KLHL12: variants seen among roughly 807,000 people sequenced by gnomAD.
KLHL12 encodes kelch like family member 12.
A neutral mutation model predicts 60.8 loss-of-function variants in KLHL12; 17 were observed. The observed-to-expected ratio is 0.28, with a 90% CI of 0.19 to 0.42. The LOEUF (loss-of-function observed/expected upper bound fraction) is 0.42. KLHL12 is among the 10% of genes least tolerant of loss of function. The pLI is 1.00. For synonymous variants in KLHL12, 220 were observed against 250.9 expected, an observed-to-expected ratio of 0.88 and a Z score of 1.16; for missense variants, 468 against 722.3, an observed-to-expected ratio of 0.65 and a Z score of 4.04.
At chr1:202,916,459 C>A (rs998038743) in intron 4 of KLHL12, among the ~76,000 whole-genome samples, 5 of 152,168 alleles carry the variant, frequency 3.3e-5, no homozygotes, top group African/African-American at 1.2e-4. Flanking sequence ...AGCCTGGCCA[C>A]AATAGTGAAA....
At chr1:202,913,678 T>C (rs1660432884) in intron 4 of KLHL12, among the ~76,000 whole-genome samples, 2 of 152,138 alleles carry the variant, frequency 1.3e-5, no homozygotes, top group South Asian at 4.1e-4. Flanking sequence ...TTTAGACTGG[T>C]GAGGCAAGGA....
chr1:202,909,158 G>A lies in KLHL12; in HGVS notation c.718-34C>T. On this transcript the variant is annotated intron_variant, in intron 5 of 11. Transcript: ENST00000367261. The surrounding 1 kb of genome is among the most constrained non-coding windows in gnomAD (Gnocchi z 4.1). The stretch of plus-strand genomic sequence containing the variant: ...TAGCAGACAGCAGAGTTAGGCACTG[G>A]GGATACCTGTAATACTATAAGAGTA... 7 of 1,322,238 alleles carry A rather than the reference G, an allele frequency of 5.3e-6. No homozygotes were observed. The highest frequency in any genetic ancestry group is 7.7e-6 in the Non-Finnish European group (7 of 914,816). 81.9% of individuals were successfully genotyped at this position (1,322,238 alleles called of 1,614,324 possible). A position where few individuals can be genotyped will look rare whatever the true frequency, so the allele number is the denominator to read the frequency against.
chr1:202,925,140 T>G lies in KLHL12; in HGVS notation c.23A>C (p.Lys8Thr). 1.2e-6 allele frequency: 2 copies of G among 1,614,048 alleles called. No homozygotes were observed. The highest frequency in any genetic ancestry group is 2.2e-5 in the South Asian group (2 of 91,076). The change falls in exon 2 of 12, where the codon AAA becomes ACA. Residue 8 changes from lysine (K) to threonine (T), a missense_variant. Lys to Thr is a moderately conservative substitution (Grantham distance 78). Around this residue, in one of 4 missense-constraint regions of KLHL12, gnomAD observed 61 missense variants for 59.9 expected, o/e 1.02. Transcript: ENST00000367261. Reference protein sequence around the residue: MGGIMAPKDIMTNTHAKS... With the variant: MGGIMAPTDIMTNTHAKS... ...AGCATGAGTATTTGTCATTATGTCT[T>G]TGGGGGCCATAATGCCTCCCATAAA...
At chr1:202,921,980 C>T (rs927690136) in intron 2 of KLHL12, among the ~76,000 whole-genome samples, 1 of 152,146 alleles carries the variant, frequency 6.6e-6, no homozygotes, top group Non-Finnish European at 1.5e-5. Flanking sequence ...ACATTTAATA[C>T]AGTACTAATA....
At chr1:202,927,914 G>A (rs541690152), upstream of KLHL12, among the ~76,000 whole-genome samples, 31 of 151,380 alleles carry the variant, frequency 2.0e-4, no homozygotes, top group Admixed American at 8.6e-4. Context: ...CCTGGGAGGC[G>A]GAGGTTGCTG....
intron 6 of KLHL12, among the ~76,000 whole-genome samples, chr1:202,902,630 G>A (rs1017691555): frequency 6.6e-6 from 1 of 152,116 alleles, no homozygotes; most frequent in Non-Finnish European, 1.5e-5. Context: ...TCCTGAATAT[G>A]AAACTTTTCC....
Position 202,893,323 on chromosome 1 carries a change from G to A in KLHL12, c.1496C>T (p.Ser499Phe), listed in dbSNP as rs1462353800. The A allele has an allele frequency of 6.2e-7, 1 of 1,613,852 alleles. No homozygotes were observed. The highest frequency in any genetic ancestry group is 8.5e-7 in the Non-Finnish European group (1 of 1,179,920). The change falls in exon 11 of 12, where the codon TCC becomes TTC. Residue 499 changes from serine to phenylalanine, a missense_variant. By Grantham distance (155) the Ser-to-Phe change is radical. Coordinates refer to ENST00000367261, the MANE Select transcript of KLHL12 (RefSeq NM_021633.4). The surrounding 1 kb of genome is among the most constrained non-coding windows in gnomAD (Gnocchi z 4.1). ...GGTCATACTGGTGACAGTTGTCCAG[G>A]AATCAGTGCGAATGTTGTATGCTTC... ...SVEAYNIRTD[S>F]WTTVTSMTTP...
chr1:202,898,320 T>C (rs1000031395), intron 6 of KLHL12, among the ~76,000 whole-genome samples: 1 of 152,188 alleles, frequency 6.6e-6, no homozygotes, highest in African/African-American at 2.4e-5. Context: ...CTAGGAAGCA[T>C]CTAGGAGACC....
At position 202,894,752 on chromosome 1, in the gene KLHL12, G is replaced by T; in HGVS notation, c.1136-3C>A. The T allele has an allele frequency of 1.2e-6, 2 of 1,611,566 alleles. No homozygotes were observed. The highest frequency in any genetic ancestry group is 1.7e-6 in the Non-Finnish European group (2 of 1,177,714). ...GCCTCCAGAGACATAGATCATATCT[G>T]CTCAGAATAAACAAATTACAGACTA... On this transcript the variant is annotated splice_region_variant and splice_polypyrimidine_tract_variant and intron_variant, in intron 8 of 11. Coordinates refer to ENST00000367261, the MANE Select transcript of KLHL12 (RefSeq NM_021633.4).
At chr1:202,920,868 T>C (rs994086741) in intron 2 of KLHL12, among the ~76,000 whole-genome samples, 13 of 152,178 alleles carry the variant, frequency 8.5e-5, no homozygotes, top group African/African-American at 2.9e-4. Flanking sequence ...AATGCAAAAG[T>C]TCCATGAACA....
chr1:202,898,371 G>A (rs899738987), intron 6 of KLHL12, among the ~76,000 whole-genome samples: 1 of 152,198 alleles, frequency 6.6e-6, no homozygotes, highest in East Asian at 1.9e-4. Flanking sequence ...AAGAGCAAAT[G>A]TAGTACCTTG....
chr1:202,914,509 A>G (rs529538834), intron 4 of KLHL12, among the ~76,000 whole-genome samples: 1 of 152,338 alleles, frequency 6.6e-6, no homozygotes, highest in South Asian at 2.1e-4. Flanking sequence ...GTTAAATTAG[A>G]TATATCAATT....
At chr1:202,894,324 A>G in intron 9 of KLHL12, 42 bp from the exon 10 acceptor site, 3 of 1,358,584 alleles carry the variant, frequency 2.2e-6, no homozygotes, top group Non-Finnish European at 3.1e-6. Context: ...GTAAATCCTC[A>G]TGCCCATTCC....
At chr1:202,907,633 A>G (rs1660235725) in intron 6 of KLHL12, among the ~76,000 whole-genome samples, 2 of 139,484 alleles carry the variant, frequency 1.4e-5, no homozygotes, top group South Asian at 4.5e-4. Context: ...TTATATATAT[A>G]TATATGGGAG....
At chr1:202,927,013 T>C in intron 1 of KLHL12, 76 bp downstream of exon 1, 4 of 958,480 alleles carry the variant, frequency 4.2e-6, no homozygotes, top group Non-Finnish European at 5.0e-6. Flanking sequence ...AGACCAAGGA[T>C]GGGGGGTAGG....
Position 202,895,626 on chromosome 1 carries a change from C to G in KLHL12, c.1031G>C (p.Ser344Thr), listed in dbSNP as rs1359175889. 1.2e-6 allele frequency: 2 copies of G among 1,614,118 alleles called. No individual in the cohort carries two copies. The change falls in exon 8 of 12, where the codon AGT (serine) becomes ACT (threonine). Residue 344 changes from serine (S) to threonine (T), a missense_variant. Physicochemically the swap from Ser to Thr is moderately conservative, Grantham distance 58. Coordinates refer to ENST00000367261, the MANE Select transcript of KLHL12 (RefSeq NM_021633.4). The surrounding 1 kb of genome is among the most constrained non-coding windows in gnomAD (Gnocchi z 4.2). ...TGTGTAGTCTAGACATTCCACTGAA[C>G]TAAGGCGGGAACGGCCATCATAGCC... is the stretch of plus-strand genomic sequence containing the variant. ...IGGYDGRSRL[S>T]SVECLDYTAD...
intron 6 of KLHL12, among the ~76,000 whole-genome samples, chr1:202,906,455 C>CA (rs59435824): frequency 0.033 from 1,698 of 51,094 alleles, 28 homozygotes; most frequent in African/African-American, 0.059. Context: ...CGCTTCGTCT[C>CA]AAAAAAAAAA....
At chr1:202,907,894 T>C (rs1384264959) in intron 6 of KLHL12, among the ~76,000 whole-genome samples, 3 of 151,876 alleles carry the variant, frequency 2.0e-5, no homozygotes, top group African/African-American at 7.3e-5. Flanking sequence ...GGCAACATAG[T>C]GAGACCTCAT....
chr1:202,903,159 C>CAAA (rs67432749), intron 6 of KLHL12, among the ~76,000 whole-genome samples: 19 of 52,014 alleles, frequency 3.7e-4, no homozygotes, highest in African/African-American at 1.1e-3. Flanking sequence ...GACCTTGTCT[C>CAAA]AAAAAAAAAA....
Sources: gnomAD v4.1 joint callset for allele counts (sites outside exome capture counted in the v4.1 genomes callset) on GRCh38, gnomAD v4.1.1 for gene constraint, gnomAD v4.1.1 regional missense constraint, Gnocchi (gnomAD v3.1) non-coding constraint, MANE v1.5 for transcripts, NCBI Gene and HGNC (gene_info 2026-07-23, HGNC 2026-07-21) for gene names.